Variants in GALNTL6 observed in about 807,000 individuals in gnomAD.
GALNTL6 encodes the protein polypeptide N-acetylgalactosaminyltransferase-like 6.
GALNTL6 carries 46 observed loss-of-function variants against 73.7 expected under a neutral mutation model. The observed-to-expected ratio is 0.62, with a 90% CI of 0.49 to 0.80. The LOEUF (loss-of-function observed/expected upper bound fraction) is 0.80, where lower values mean the gene tolerates loss of function less well. Ranked by LOEUF, GALNTL6 falls within the 30% of genes least tolerant of loss-of-function variation. GALNTL6 has a pLI of 0.00. For missense variants in GALNTL6, 604 were observed against 755.0 expected, an observed-to-expected ratio of 0.80 and a Z score of 2.34; for synonymous variants, 259 against 263.7, an observed-to-expected ratio of 0.98 and a Z score of 0.17.
chr4:172,529,903 A>G (rs983891277), intron 5 of GALNTL6, among the ~76,000 whole-genome samples: 1 of 148,964 alleles, frequency 6.7e-6, no homozygotes, highest in Non-Finnish European at 1.5e-5. Flanking sequence ...TTATTTATCT[A>G]TTTATTTATT....
At chr4:172,922,726 A>G (rs1747857156) in intron 8 of GALNTL6, among the ~76,000 whole-genome samples, 1 of 152,216 alleles carries the variant, frequency 6.6e-6, no homozygotes, top group Non-Finnish European at 1.5e-5. Flanking sequence ...CACCTACTCC[A>G]CAAATATTTA....
At chr4:171,931,263 C>G (rs1738176279) in intron 2 of GALNTL6, among the ~76,000 whole-genome samples, 1 of 152,098 alleles carries the variant, frequency 6.6e-6, no homozygotes, top group South Asian at 2.1e-4. Flanking sequence ...CTCACTGAAG[C>G]TTTGAACTCC....
intron 12 of GALNTL6, among the ~76,000 whole-genome samples, chr4:173,027,757 A>C (rs1753292030): frequency 6.6e-6 from 1 of 152,212 alleles, no homozygotes; most frequent in African/African-American, 2.4e-5. Context: ...GAAGAAATAA[A>C]ACAGTCCATT....
At chr4:171,929,647 C>G (rs1264197586) in intron 2 of GALNTL6, among the ~76,000 whole-genome samples, 1 of 152,234 alleles carries the variant, frequency 6.6e-6, no homozygotes, top group Admixed American at 6.5e-5. Context: ...GGCAGCCAAT[C>G]TGGTCAGACC....
Position 172,035,317 on chromosome 4 carries a change from A to G in GALNTL6, c.139-194339A>G, listed in dbSNP as rs542428825. ...GGACAAAGTTTCCTGAGGCTAAAAT[A>G]TGAAAGAAACCATCACAATTTCCTA... On this transcript the variant is annotated intron_variant, in intron 2 of 12. Transcript: ENST00000506823. Among the ~76,000 whole-genome samples the G allele has an allele frequency of 3.3e-5, 5 of 152,270 alleles. No individual in the cohort carries two copies. In the East Asian group the frequency reaches 9.7e-4, roughly 29 times the overall value.
chr4:172,047,087 A>G (rs1742241459), intron 2 of GALNTL6, among the ~76,000 whole-genome samples: 1 of 152,172 alleles, frequency 6.6e-6, no homozygotes, highest in South Asian at 2.1e-4. Context: ...TTATTGAAAC[A>G]AACTAACCTG....
intron 11 of GALNTL6, among the ~76,000 whole-genome samples, chr4:173,018,701 T>G (rs1361278998): frequency 6.6e-6 from 1 of 152,186 alleles, no homozygotes; most frequent in Non-Finnish European, 1.5e-5. Context: ...CCAGAGGGAT[T>G]TACGTGAACA....
chr4:171,872,497 T>C (rs531951137), intron 2 of GALNTL6, among the ~76,000 whole-genome samples: 2 of 152,306 alleles, frequency 1.3e-5, no homozygotes, highest in African/African-American at 4.8e-5. Flanking sequence ...CTTAAATATC[T>C]AGGCTGCCAT....
chr4:172,666,268 G>A (rs996213157), intron 5 of GALNTL6, among the ~76,000 whole-genome samples: 11 of 152,076 alleles, frequency 7.2e-5, no homozygotes, highest in African/African-American at 2.7e-4. Context: ...CTGAATCTTT[G>A]CGTGTCCAAA....
At chr4:172,230,559 G>A (rs1579281117) in intron 3 of GALNTL6, among the ~76,000 whole-genome samples, 2 of 121,050 alleles carry the variant, frequency 1.7e-5, no homozygotes, top group Non-Finnish European at 3.7e-5. Context: ...CCAGCCGGGC[G>A]ATAGAGTGAG....
intron 2 of GALNTL6, among the ~76,000 whole-genome samples, chr4:172,211,433 C>T (rs761068103): frequency 1.3e-5 from 2 of 152,194 alleles, no homozygotes; most frequent in Non-Finnish European, 2.9e-5. Flanking sequence ...AACTCTAGTT[C>T]ATACCAGATG....
In GALNTL6 at chr4:172,378,811, A is replaced by G. The variant is rs114835427; in HGVS notation, c.553+30122A>G. On this transcript the variant is annotated intron_variant, in intron 5 of 12. Transcript: ENST00000506823. ...GAAATATATTTTTGAGAGACTGTAC[A>G]TTAAAAACTGGATGAGATTGATTAT... is the stretch of plus-strand genomic sequence containing the variant. Among the ~76,000 whole-genome samples, 1,185 of 151,750 alleles carry G rather than the reference A, an allele frequency of 7.8e-3. 12 individuals are homozygous for G. Among genetic ancestry groups the G allele is most frequent in the African/African-American group, 0.027 (1,112 of 41,532 alleles).
At position 172,604,903 on chromosome 4, in the gene GALNTL6, T is replaced by G. The variant is rs545955898; in HGVS notation, c.554-204458T>G. 5.1e-4 allele frequency among the ~76,000 whole-genome samples: 78 copies of G among 152,328 alleles called. 1 individual carries two copies. In the South Asian group the frequency reaches 0.016, roughly 31 times the overall value. On this transcript the variant is annotated intron_variant, in intron 5 of 12. Coordinates refer to ENST00000506823, the MANE Select transcript of GALNTL6 (RefSeq NM_001034845.3). ...TGATTTCTGAGAAGCAAACAGATTT[T>G]GCTCTTTCTGAAGGGCTCCCAGTGT...
intron 2 of GALNTL6, among the ~76,000 whole-genome samples, chr4:172,018,850 C>T (rs1741301415): frequency 6.6e-6 from 1 of 152,080 alleles, no homozygotes; most frequent in South Asian, 2.1e-4. Flanking sequence ...CTGAGGGCCC[C>T]TGTGAGATAT....
intron 5 of GALNTL6, among the ~76,000 whole-genome samples, chr4:172,695,267 A>G (rs964066290): frequency 6.6e-5 from 10 of 152,214 alleles, no homozygotes; most frequent in African/African-American, 2.4e-4. Context: ...ACATCCAGGA[A>G]AGATTAAAAA....
intron 5 of GALNTL6, among the ~76,000 whole-genome samples, chr4:172,396,823 C>A (rs540098249): frequency 4.2e-4 from 64 of 152,240 alleles, no homozygotes; most frequent in Non-Finnish European, 6.9e-4. Flanking sequence ...TTTAATTTTG[C>A]ACATTTTATT....
intron 5 of GALNTL6, among the ~76,000 whole-genome samples, chr4:172,381,211 A>G (rs1211604858): frequency 2.0e-5 from 3 of 152,254 alleles, no homozygotes; most frequent in Non-Finnish European, 4.4e-5. Context: ...GATGAAACAA[A>G]TGATTATTTC....
intron 11 of GALNTL6, 121 bp downstream of exon 11, chr4:173,009,415 A>AG (rs1197974413): frequency 4.6e-6 from 3 of 655,840 alleles, no homozygotes; most frequent in African/African-American, 3.6e-5. Context: ...ACCTGGAGTG[A>AG]GGCCGCTGTA....
At chr4:172,939,048 A>T (rs1489888279) in intron 9 of GALNTL6, among the ~76,000 whole-genome samples, 2 of 152,230 alleles carry the variant, frequency 1.3e-5, no homozygotes, top group Non-Finnish European at 2.9e-5. Flanking sequence ...TCATGCCTGT[A>T]ATCCCAGTGC....
Sources: allele counts gnomAD v4.1 joint callset (sites outside exome capture counted in the v4.1 genomes callset), GRCh38; gene constraint gnomAD v4.1.1; transcripts MANE v1.5; gene names NCBI Gene and HGNC (gene_info 2026-07-23, HGNC 2026-07-21).